Variants in PRELID2 observed in about 807,000 individuals in gnomAD.
The protein encoded by PRELID2 is PRELI domain containing 2, also known as PRELI domain-containing protein 2.
PRELID2 carries 25 observed loss-of-function variants against 28.4 expected under a neutral mutation model. That is an observed-to-expected ratio of 0.88 (90% CI 0.64 to 1.23). The LOEUF (loss-of-function observed/expected upper bound fraction) is 1.23, where lower values mean the gene tolerates loss of function less well. Among genes scored for constraint, PRELID2 ranks in the 50% most tolerant of loss-of-function variants. The pLI is 0.00. For synonymous variants in PRELID2, 76 were observed against 71.6 expected, an observed-to-expected ratio of 1.06 and a Z score of -0.31; for missense variants, 201 against 214.4, an observed-to-expected ratio of 0.94 and a Z score of 0.39.
At chr5:145,642,804 T>G (rs1428450955) in intron 1 of PRELID2, among the ~76,000 whole-genome samples, 1 of 152,210 alleles carries the variant, frequency 6.6e-6, no homozygotes, top group South Asian at 2.1e-4. Flanking sequence ...TGTGTCAGGT[T>G]TGTCAAAGAT....
At chr5:145,347,562 C>A in the PRELID2 span, among the ~76,000 whole-genome samples, 1 of 152,016 alleles carries the variant, frequency 6.6e-6, no homozygotes, top group Non-Finnish European at 1.5e-5. Context: ...TTTGTGGTGG[C>A]TATTTTATTA....
chr5:145,538,473 G>A (rs1198714675), intron 1 of PRELID2, among the ~76,000 whole-genome samples: 2 of 151,928 alleles, frequency 1.3e-5, no homozygotes, highest in Non-Finnish European at 2.9e-5. Flanking sequence ...CACACCAGCT[G>A]CATTTCAAGC....
intron 1 of PRELID2, among the ~76,000 whole-genome samples, chr5:145,523,758 A>G (rs1752583368): frequency 6.6e-6 from 1 of 152,060 alleles, no homozygotes; most frequent in African/African-American, 2.4e-5. Flanking sequence ...CCTCATACCA[A>G]TTTTGGGAGA....
the PRELID2 span, among the ~76,000 whole-genome samples, chr5:145,395,259 G>C: frequency 6.6e-6 from 1 of 152,076 alleles, no homozygotes; most frequent in South Asian, 2.1e-4. Context: ...ACTGCCAACT[G>C]ACTTCGGAAC....
intron 1 of PRELID2, among the ~76,000 whole-genome samples, chr5:145,515,492 C>T (rs558217227): frequency 9.2e-5 from 14 of 152,216 alleles, no homozygotes; most frequent in African/African-American, 3.4e-4. Context: ...GAAATTGAGG[C>T]AATAATTAAT....
intron 5 of PRELID2, among the ~76,000 whole-genome samples, chr5:145,793,136 G>C (rs533290897): frequency 6.6e-6 from 1 of 152,086 alleles, no homozygotes; most frequent in Non-Finnish European, 1.5e-5. Context: ...TGACACAAAG[G>C]CTCCCAAATT....
At chr5:145,780,055 A>G (rs1343382028) in intron 5 of PRELID2, among the ~76,000 whole-genome samples, 1 of 152,208 alleles carries the variant, frequency 6.6e-6, no homozygotes, top group Non-Finnish European at 1.5e-5. Context: ...GCTCTCGCCC[A>G]TAATCCCAGC....
chr5:145,764,895 T>G, intron 6 of PRELID2, 36 bp downstream of exon 6: 6 of 1,476,208 alleles, frequency 4.1e-6, no homozygotes, highest in Non-Finnish European at 5.7e-6. Context: ...AAATATGGCT[T>G]GTGTAAATAA....
rs150047215 is a variant in PRELID2, at chr5:145,715,240, C to T, written n.70+49691G>A. Among the ~76,000 whole-genome samples the T allele has an allele frequency of 2.0e-5, 3 of 152,292 alleles. No homozygotes were observed. The East Asian group carries it at 5.8e-4, about 29-fold the overall frequency. On this transcript the variant is annotated intron_variant and non_coding_transcript_variant, in intron 1 of 2. Transcript: ENST00000510259. ...AATAGCATCTCCACTCACCGAATTA[C>T]TCAAGCCAAAAATCTAGAGGTTATC...
chr5:145,480,695 TTTG>T (rs909978019), intron 1 of PRELID2, among the ~76,000 whole-genome samples: 88 of 152,214 alleles, frequency 5.8e-4, no homozygotes, highest in African/African-American at 1.9e-3. Context: ...CACCTAAGAC[TTTG>T]TTAAGTGATT....
the PRELID2 span, among the ~76,000 whole-genome samples, chr5:145,449,711 G>A: frequency 1.3e-5 from 2 of 152,022 alleles, no homozygotes; most frequent in African/African-American, 4.8e-5. Context: ...TTACTCTACT[G>A]CTTAAGTCTA....
the PRELID2 span, among the ~76,000 whole-genome samples, chr5:145,281,303 C>T: frequency 6.6e-6 from 1 of 152,122 alleles, no homozygotes; most frequent in Non-Finnish European, 1.5e-5. Context: ...AAGTGAAGCC[C>T]AGTCTCCCAT....
At chr5:145,230,143 C>T in the PRELID2 span, 2 of 489,974 alleles carry the variant, frequency 4.1e-6, no homozygotes, top group East Asian at 4.5e-5. Flanking sequence ...GTAATTGTGC[C>T]TTGTTCTCCC....
chr5:145,666,359 G>A (rs1323685355), intron 1 of PRELID2, among the ~76,000 whole-genome samples: 1 of 152,078 alleles, frequency 6.6e-6, no homozygotes, highest in Admixed American at 6.6e-5. Flanking sequence ...CATCGCTGAA[G>A]CAGGAAGGGT....
At chr5:145,720,239 C>CT (rs1755950982) in intron 1 of PRELID2, among the ~76,000 whole-genome samples, 2 of 151,588 alleles carry the variant, frequency 1.3e-5, no homozygotes, top group Non-Finnish European at 2.9e-5. Context: ...AATCCACATA[C>CT]TAAATGGGCC....
At chr5:145,393,273 C>A in the PRELID2 span, among the ~76,000 whole-genome samples, 1 of 142,446 alleles carries the variant, frequency 7.0e-6, no homozygotes, top group Non-Finnish European at 1.6e-5. Flanking sequence ...GATTTCAGAA[C>A]TAAAGCCCAA....
At chr5:145,724,600 A>AATACATATAT (rs1308255896) in intron 1 of PRELID2, among the ~76,000 whole-genome samples, 1 of 24,788 alleles carries the variant, frequency 4.0e-5, no homozygotes, top group Non-Finnish European at 9.5e-5. Context: ...GAAGTAAATA[A>AATACATATAT]ATATATATAT....
At chr5:145,514,017 A>G (rs1268830528) in intron 1 of PRELID2, among the ~76,000 whole-genome samples, 1 of 152,182 alleles carries the variant, frequency 6.6e-6, no homozygotes, top group Non-Finnish European at 1.5e-5. Flanking sequence ...GAAAGGAAAA[A>G]CCAGTACCAG....
At chr5:145,640,348 C>T (rs543998120) in intron 1 of PRELID2, among the ~76,000 whole-genome samples, 22 of 151,976 alleles carry the variant, frequency 1.4e-4, no homozygotes, top group Admixed American at 4.6e-4. Context: ...TGGTGGCGGG[C>T]GCCTGTAGTC....
Sources: allele counts gnomAD v4.1 joint callset (sites outside exome capture counted in the v4.1 genomes callset), GRCh38; gene constraint gnomAD v4.1.1; transcripts MANE v1.5; gene names NCBI Gene and HGNC (gene_info 2026-07-23, HGNC 2026-07-21).